HIPK1: variants seen among roughly 807,000 people sequenced by gnomAD.
HIPK1 encodes homeodomain interacting protein kinase 1, also known as homeodomain-interacting protein kinase 1.
HIPK1 carries 28 observed loss-of-function variants against 117.1 expected under a neutral mutation model. That is an observed-to-expected ratio of 0.24 (90% CI 0.18 to 0.33). The LOEUF is 0.33. Among genes scored for constraint, HIPK1 ranks in the 10% least tolerant of loss-of-function variants. The pLI is 1.00. For missense variants in HIPK1, 1,122 were observed against 1,475.1 expected, an observed-to-expected ratio of 0.76 and a Z score of 3.92; for synonymous variants, 605 against 562.5, an observed-to-expected ratio of 1.08 and a Z score of -1.07.
intron 11 of HIPK1, among the ~76,000 whole-genome samples, chr1:113,966,827 G>A (rs1489740629): frequency 6.7e-6 from 1 of 149,520 alleles, no homozygotes; most frequent in Non-Finnish European, 1.5e-5. Flanking sequence ...TCAAATAGTA[G>A]TTCTTATTCT....
chr1:113,937,990 G>A (rs1174810952), intron 1 of HIPK1, among the ~76,000 whole-genome samples: 2 of 151,848 alleles, frequency 1.3e-5, no homozygotes, highest in Non-Finnish European at 2.9e-5. Context: ...TTTGAGATAG[G>A]ATCTAGCTCT....
At position 113,941,540 on chromosome 1, in the gene HIPK1, A is replaced by G. The variant is rs974607429; in HGVS notation, c.1076+81A>G. ...AACATATACCCCGTAGGCTACATAT[A>G]GCAATGAATTTGTTTATAGATTCTG... On this transcript the variant is annotated intron_variant, in intron 2 of 15. Coordinates refer to ENST00000426820, the MANE Select transcript of HIPK1 (RefSeq NM_198268.3). The surrounding 1 kb of genome is among the most constrained non-coding windows in gnomAD (Gnocchi z 4.9). The G allele has an allele frequency of 2.9e-6, 3 of 1,050,230 alleles. No homozygotes were observed. The highest frequency in any genetic ancestry group is 4.2e-6 in the Non-Finnish European group (3 of 715,132). 65.1% of individuals were successfully genotyped at this position (1,050,230 alleles called of 1,614,324 possible).
intron 10 of HIPK1, among the ~76,000 whole-genome samples, chr1:113,964,626 T>TC (rs1257805877): frequency 2.0e-5 from 3 of 152,248 alleles, no homozygotes; most frequent in Non-Finnish European, 4.4e-5. Flanking sequence ...TGAAAACACT[T>TC]CCAGAAACAT....
intron 1 of HIPK1, among the ~76,000 whole-genome samples, chr1:113,931,595 T>C (rs1354032960): frequency 6.6e-6 from 1 of 152,180 alleles, no homozygotes; most frequent in Non-Finnish European, 1.5e-5. Context: ...GCAAGTTCGT[T>C]GGTAACTTGA....
At chr1:113,963,582 T>C in intron 10 of HIPK1, 61 bp downstream of exon 10, 1 of 1,546,222 alleles carries the variant, frequency 6.5e-7, no homozygotes, top group East Asian at 2.3e-5. Flanking sequence ...TCTTTTTTGT[T>C]TTTTCCTGTT....
intron 1 of HIPK1, chr1:113,930,878 T>G (rs1669843287): frequency 6.6e-6 from 1 of 152,248 alleles, no homozygotes; most frequent in African/African-American, 2.4e-5. Flanking sequence ...TTTCTTTACT[T>G]AATCACTGAT....
At chr1:113,958,631 T>C (rs1207368093) in intron 8 of HIPK1, among the ~76,000 whole-genome samples, 1 of 152,236 alleles carries the variant, frequency 6.6e-6, no homozygotes, top group Non-Finnish European at 1.5e-5. Flanking sequence ...TGAAAAAATT[T>C]GTTGTAAGCA....
Position 113,935,308 on chromosome 1 carries a change from G to A in HIPK1, c.-2-5074G>A, listed in dbSNP as rs148756848. Among the ~76,000 whole-genome samples, 757 of 152,254 alleles carry A rather than the reference G, an allele frequency of 5.0e-3. 6 individuals carry two copies. Among genetic ancestry groups the A allele is most frequent in the African/African-American group, 0.017 (725 of 41,554 alleles). On this transcript the variant is annotated intron_variant, in intron 1 of 15. Coordinates refer to ENST00000426820, the MANE Select transcript of HIPK1 (RefSeq NM_198268.3). ...GGTTTTCTGTTCTGTGTTTGTTTAG[G>A]ATAGTGGCCCTCCAGCTTCATCCAT...
intron 1 of HIPK1, among the ~76,000 whole-genome samples, chr1:113,939,340 T>TTTTG (rs1670491611): frequency 7.1e-6 from 1 of 140,962 alleles, no homozygotes; most frequent in African/African-American, 2.7e-5. Flanking sequence ...TTTTTTTTTT[T>TTTTG]TTGTTGTTGT....
chr1:113,957,139 T>C lies in HIPK1; in HGVS notation c.1608T>C (p.Phe536=). 6.2e-7 allele frequency: 1 copy of C among 1,613,376 alleles called. No homozygotes were observed. Among genetic ancestry groups the C allele is most frequent in the Non-Finnish European group, 8.5e-7 (1 of 1,179,392 alleles). ...FPHSNHVKSC[F]QNMEICKRRV... is the part of the protein sequence containing the mutation. ...TCCTTTTCAGTGTTAAGTCTTGTTT[T>C]CAGAACATGGAGATCTGCAAGCGGA... The change falls in exon 7 of 16, where the codon TTT becomes TTC. Residue 536 remains phenylalanine, a synonymous_variant. Transcript: ENST00000426820.
chr1:113,940,302 G>A (rs1201453626), intron 1 of HIPK1, 80 bp from the exon 2 acceptor site: 3 of 1,210,034 alleles, frequency 2.5e-6, no homozygotes, highest in Non-Finnish European at 3.5e-6. Flanking sequence ...GTAAAAGTGT[G>A]TGTGTGTGTT....
chr1:113,948,404 A>ACC (rs1671127291), intron 2 of HIPK1, among the ~76,000 whole-genome samples: 1 of 152,052 alleles, frequency 6.6e-6, no homozygotes, highest in East Asian at 1.9e-4. Flanking sequence ...GGCATGCACC[A>ACC]CCATACCTGG....
chr1:113,967,961 T>TAG lies in HIPK1; in HGVS notation c.2564+14_2564+15insGA. The TAG allele has an allele frequency of 6.3e-7, 1 of 1,599,164 alleles. No homozygotes were observed. Among genetic ancestry groups the TAG allele is most frequent in the Non-Finnish European group, 8.5e-7 (1 of 1,175,056 alleles). On this transcript the variant is annotated intron_variant, in intron 12 of 15. Transcript: ENST00000426820. ...CAGTCTCTTCCAAGTGAGTCTGTGTTACAGCTGATAGTTAAAACTGTGCCA... is the reference window on the plus strand; with the variant it reads ...CAGTCTCTTCCAAGTGAGTCTGTGTTAGACAGCTGATAGTTAAAACTGTGCCA...
chr1:113,962,586 A>G (rs780219473), intron 9 of HIPK1, 148 bp downstream of exon 9: 4 of 687,494 alleles, frequency 5.8e-6, no homozygotes, highest in Non-Finnish European at 9.0e-6. Flanking sequence ...TCTATGGAAC[A>G]ATATACTAAT....
At chr1:113,969,141 G>A (rs1196587318) in intron 13 of HIPK1, among the ~76,000 whole-genome samples, 1 of 152,194 alleles carries the variant, frequency 6.6e-6, no homozygotes. Flanking sequence ...TACCTGAGAA[G>A]GTAGGATTCA....
chr1:113,952,766 A>G lies in HIPK1; in HGVS notation c.1077A>G (p.Arg359=), dbSNP rs368207422. The part of the protein sequence containing the change: ...CSTYLQSRYY[R]APEIILGLPF... The stretch of plus-strand genomic sequence containing the variant: ...ATCTGATATTTTTTGTTTTTGCTAG[A>G]GCTCCTGAAATTATTCTTGGGTTAC... The change falls in exon 3 of 16, where the codon AGA becomes AGG. Residue 359 remains arginine (R), a splice_region_variant and synonymous_variant. Transcript: ENST00000426820. 1.6e-5 allele frequency: 23 copies of G among 1,455,786 alleles called. No homozygotes were observed. The highest frequency in any genetic ancestry group is 2.0e-5 in the Non-Finnish European group (22 of 1,100,964). The allele number at this position is 1,455,786 out of a possible 1,614,324, so 90.2% of individuals were successfully genotyped here.
chr1:113,940,639 G>T lies in HIPK1; in HGVS notation c.256G>T (p.Val86Leu), dbSNP rs1450308602. The change falls in exon 2 of 16, where the codon GTA (valine) becomes TTA (leucine). Residue 86 changes from valine to leucine, a missense_variant. Around this residue, in one of 6 missense-constraint regions of HIPK1, gnomAD observed 192 missense variants for 234.0 expected, o/e 0.82. Transcript: ENST00000426820. ...LPAPAVEHIV[V>L]TAADSSGSAA... ...AGCTCCTGCAGTGGAGCATATTGTT[G>T]TAACAGCCGCTGATAGCTCGGGCAG... 1.2e-6 allele frequency: 2 copies of T among 1,614,154 alleles called. No individual in the cohort carries two copies. The highest frequency in any genetic ancestry group is 1.7e-5 in the Admixed American group (1 of 60,024).
rs143955929 is a variant in HIPK1, at chr1:113,973,392, C to A, written c.3513C>A (p.Ala1171=). 1.2e-6 allele frequency: 2 copies of A among 1,614,174 alleles called. No homozygotes were observed. The highest frequency in any genetic ancestry group is 2.2e-5 in the South Asian group (2 of 91,076). ...GPSLLTSASV[A]PAQYQHQFAT... Reference sequence around the variant, plus strand: ...GCCTCCTCACTTCTGCCAGCGTGGCCCCTGCTCAGTACCAACACCAGTTTG... The same window carrying A: ...GCCTCCTCACTTCTGCCAGCGTGGCACCTGCTCAGTACCAACACCAGTTTG... Residue 1171 remains alanine (A), a synonymous_variant, in exon 16 of 16, where the codon GCC becomes GCA. Coordinates refer to ENST00000426820, the MANE Select transcript of HIPK1 (RefSeq NM_198268.3).
chr1:113,966,487 A>G (rs984255271), intron 11 of HIPK1, among the ~76,000 whole-genome samples: 7 of 152,226 alleles, frequency 4.6e-5, no homozygotes, highest in Admixed American at 3.3e-4. Flanking sequence ...CATTTCTTCT[A>G]GATTTTTTAA....
Sources: allele counts gnomAD v4.1 joint callset (sites outside exome capture counted in the v4.1 genomes callset), GRCh38; gene constraint gnomAD v4.1.1; regional missense constraint gnomAD v4.1.1; non-coding constraint Gnocchi (gnomAD v3.1); transcripts MANE v1.5; gene names NCBI Gene and HGNC (gene_info 2026-07-23, HGNC 2026-07-21).